The following LMF1 variants were observed in gnomAD, a reference collection of about 807,000 sequenced individuals.
LMF1 encodes the protein lipase maturation factor 1, also known as transmembrane protein 112.
In LMF1, 68 loss-of-function variants were observed where a neutral mutation model predicts 60.6. The observed-to-expected ratio is 1.12, with a 90% CI of 0.92 to 1.37. LMF1 has a LOEUF of 1.37. Among genes scored for constraint, LMF1 ranks in the 40% most tolerant of loss-of-function variants. LMF1 has a pLI of 0.00. For missense variants in LMF1, 948 were observed against 767.2 expected, an observed-to-expected ratio of 1.24 and a Z score of -2.78; for synonymous variants, 418 against 324.7, an observed-to-expected ratio of 1.29 and a Z score of -3.09.
intron 3 of LMF1, among the ~76,000 whole-genome samples, chr16:918,162 C>G (rs145852233): frequency 6.6e-6 from 1 of 152,204 alleles, no homozygotes. Flanking sequence ...GTTAACTGCA[C>G]GCTCTCAGTT....
chr16:912,579 A>C (rs2151756877), intron 3 of LMF1, among the ~76,000 whole-genome samples: 1 of 152,326 alleles, frequency 6.6e-6, no homozygotes, highest in East Asian at 1.9e-4. Context: ...ACAGACGGTC[A>C]GTCCTTATGC....
intron 1 of LMF1, among the ~76,000 whole-genome samples, chr16:960,406 G>A (rs1324611153): frequency 1.6e-3 from 121 of 77,098 alleles, no homozygotes; most frequent in South Asian, 5.8e-3. Context: ...CCCAGACACA[G>A]ACTCACGGTG....
At chr16:909,869 C>T (rs4984977) in intron 4 of LMF1, among the ~76,000 whole-genome samples, 30,557 of 152,240 alleles carry the variant, frequency 0.2, 4,291 homozygotes, top group African/African-American at 0.38. Context: ...GCCGAGACGG[C>T]GGCACACTCT....
At chr16:967,416 C>G (rs2072947474) in intron 1 of LMF1, among the ~76,000 whole-genome samples, 1 of 152,244 alleles carries the variant, frequency 6.6e-6, no homozygotes, top group African/African-American at 2.4e-5. Context: ...TGAGCCTGGG[C>G]ATGGTGCCCA....
chr16:964,386 C>T (rs543788426), intron 1 of LMF1, among the ~76,000 whole-genome samples: 41 of 151,852 alleles, frequency 2.7e-4, no homozygotes, highest in Non-Finnish European at 4.1e-4. Context: ...AAACAGTCAT[C>T]CCAGAAATGC....
intron 3 of LMF1, among the ~76,000 whole-genome samples, chr16:920,099 C>T (rs1027001806): frequency 6.6e-6 from 1 of 151,884 alleles, no homozygotes. Flanking sequence ...CGGCTCCCAA[C>T]AGGACATCCA....
rs573894780 is a variant in LMF1, at chr16:962,571, C to G, written c.194-7905G>C. Among the ~76,000 whole-genome samples the G allele has an allele frequency of 6.6e-6, 1 of 152,330 alleles. No individual in the cohort carries two copies. Among genetic ancestry groups the G allele is most frequent in the African/African-American group, 2.4e-5 (1 of 41,580 alleles). The stretch of plus-strand genomic sequence containing the variant: ...AAGGGCCCCGCACCTCTGTGGGCGT[C>G]TTCCCAAAACCCATCACCCAGTCTA... On this transcript the variant is annotated intron_variant, in intron 1 of 10. Transcript: ENST00000262301. This position sits in a 1 kb window ranked among gnomAD's most constrained non-coding sequence, Gnocchi z 4.5.
chr16:929,588 C>T (rs2071711043), intron 3 of LMF1, among the ~76,000 whole-genome samples: 1 of 152,242 alleles, frequency 6.6e-6, no homozygotes, highest in South Asian at 2.1e-4. Context: ...GATCCAGGCT[C>T]ACTGAATATC....
At chr16:875,903 G>A (rs1458428563) in intron 6 of LMF1, among the ~76,000 whole-genome samples, 1 of 152,202 alleles carries the variant, frequency 6.6e-6, no homozygotes, top group Non-Finnish European at 1.5e-5. Flanking sequence ...TGGGACCCCA[G>A]GACCGCATGG....
intron 4 of LMF1, among the ~76,000 whole-genome samples, chr16:909,519 C>T (rs1257403020): frequency 5.3e-5 from 8 of 152,170 alleles, no homozygotes; most frequent in Admixed American, 3.9e-4. Flanking sequence ...CACAGAGCCA[C>T]GCTACACGCT....
intron 4 of LMF1, among the ~76,000 whole-genome samples, chr16:909,842 T>C (rs952042734): frequency 1.2e-4 from 19 of 152,342 alleles, no homozygotes; most frequent in Non-Finnish European, 4.4e-5. Flanking sequence ...AGAGGAACGT[T>C]CCGGACTGAA....
intron 9 of LMF1, 151 bp from the exon 10 acceptor site, chr16:869,207 C>T (rs1237222377): frequency 1.5e-6 from 1 of 684,242 alleles, no homozygotes. Context: ...TGGCTGGGGT[C>T]CCCTTAAGGG....
chr16:856,522 GCCT>G (rs1255553943), intron 10 of LMF1, among the ~76,000 whole-genome samples: 3 of 152,230 alleles, frequency 2.0e-5, no homozygotes, highest in Non-Finnish European at 4.4e-5. Context: ...TCCTGGGAAG[GCCT>G]CCTGCAGTGG....
chr16:887,452 C>A (rs893473266), intron 5 of LMF1, among the ~76,000 whole-genome samples: 1 of 152,178 alleles, frequency 6.6e-6, no homozygotes, highest in Non-Finnish European at 1.5e-5. Flanking sequence ...GGGGCACACG[C>A]GGTCTCGGTA....
chr16:913,069 C>T (rs879375010), intron 3 of LMF1, among the ~76,000 whole-genome samples: 9 of 152,232 alleles, frequency 5.9e-5, no homozygotes, highest in Non-Finnish European at 8.8e-5. Context: ...TCCTCGCCCC[C>T]GCCTCAGTGC....
At chr16:862,473 G>C (rs752666585) in intron 10 of LMF1, among the ~76,000 whole-genome samples, 8 of 152,056 alleles carry the variant, frequency 5.3e-5, no homozygotes, top group Admixed American at 6.6e-5. Flanking sequence ...AAAAAATTTT[G>C]TGTCTATATC....
chr16:917,766 C>T (rs2071322883), intron 3 of LMF1, among the ~76,000 whole-genome samples: 1 of 152,202 alleles, frequency 6.6e-6, no homozygotes, highest in Admixed American at 6.5e-5. Flanking sequence ...GCTGTGCTCG[C>T]CCGGCACCCC....
intron 2 of LMF1, among the ~76,000 whole-genome samples, chr16:939,151 G>C (rs2072026663): frequency 6.6e-6 from 1 of 152,144 alleles, no homozygotes; most frequent in Admixed American, 6.5e-5. Flanking sequence ...AAAATAACTT[G>C]GCAGAGAAAT....
chr16:919,345 G>C (rs960900321), intron 3 of LMF1, among the ~76,000 whole-genome samples: 4 of 152,108 alleles, frequency 2.6e-5, no homozygotes, highest in Non-Finnish European at 5.9e-5. Context: ...ACATGCCCGC[G>C]GCAGGGGGCA....
Sources: allele counts gnomAD v4.1 joint callset (sites outside exome capture counted in the v4.1 genomes callset), GRCh38; gene constraint gnomAD v4.1.1; non-coding constraint Gnocchi (gnomAD v3.1); transcripts MANE v1.5; gene names NCBI Gene and HGNC (gene_info 2026-07-23, HGNC 2026-07-21).